The following UMOD variants were observed in gnomAD, a reference collection of about 807,000 sequenced individuals.
UMOD encodes the protein Tamm-Horsfall urinary glycoprotein.
A neutral mutation model predicts 66.0 loss-of-function variants in UMOD; 64 were observed. The ratio of observed to expected loss-of-function variants is 0.97; its 90% confidence interval spans 0.79 to 1.19. The LOEUF is 1.19. Among genes scored for constraint, UMOD ranks in the 50% most tolerant of loss-of-function variants. The pLI, the probability that UMOD is intolerant of heterozygous loss-of-function variation, is 0.00. For missense variants in UMOD, 764 were observed against 850.9 expected (o/e 0.90, Z 1.27); for synonymous variants, 398 against 352.7 (o/e 1.13, Z -1.44).
intron 10 of UMOD, 103 bp from the exon 11 acceptor site, chr16:20,333,478 C>T (rs571548219): frequency 2.0e-5 from 21 of 1,060,604 alleles, no homozygotes; most frequent in South Asian, 8.1e-5. Flanking sequence ...AGAGGACACC[C>T]TCTCTGGGCT....
chr16:20,349,995 G>T, intron 2 of UMOD: 1 of 1,029,112 alleles, frequency 9.7e-7, no homozygotes, highest in Non-Finnish European at 1.3e-6. Context: ...CAAGGGCCTC[G>T]TGAGGTCAGT....
At position 20,335,528 on chromosome 16, in the gene UMOD, G is replaced by A. The variant is rs777431417; in HGVS notation, c.1823-8C>T. The stretch of plus-strand genomic sequence containing the variant: ...AGACTGTGGCCTGGACACCTTTGGA[G>A]GAAAACAGAAGGATCAGTGAATAAA... On this transcript the variant is annotated splice_region_variant and splice_polypyrimidine_tract_variant and intron_variant, in intron 9 of 10. Transcript: ENST00000396138. 9 of 1,614,052 alleles carry A rather than the reference G, an allele frequency of 5.6e-6. No homozygotes were observed. The South Asian group carries it at 9.9e-5, about 18-fold the overall frequency.
rs139401892 is a variant in UMOD at position 20,338,852 on chromosome 16, T to A, written c.1578-1399A>T. Among the ~76,000 whole-genome samples the A allele has an allele frequency of 9.6e-3, 1,455 of 152,166 alleles. 19 individuals carry two copies. Among genetic ancestry groups the A allele is most frequent in the African/African-American group, 0.033 (1,386 of 41,526 alleles). On this transcript the variant is annotated intron_variant, in intron 7 of 10. Transcript: ENST00000396138. The stretch of plus-strand genomic sequence containing the variant: ...TTGGCTCACTGCAACCTCTGCCTCC[T>A]GGGTTCAAGCAATTCTCCTGCCTCA...
At chr16:20,340,529 T>C (rs2141645519) in intron 7 of UMOD, among the ~76,000 whole-genome samples, 2 of 150,956 alleles carry the variant, frequency 1.3e-5, no homozygotes, top group South Asian at 4.2e-4. Context: ...ACATATGTAT[T>C]GATAATTCAT....
intron 2 of UMOD, chr16:20,349,736 C>T: frequency 6.5e-7 from 1 of 1,535,014 alleles, no homozygotes; most frequent in Non-Finnish European, 8.8e-7. Context: ...GAACCTGTTG[C>T]CCCTCCCTTT....
chr16:20,349,233 C>G, intron 2 of UMOD, 21 bp from the exon 3 acceptor site: 1 of 1,610,494 alleles, frequency 6.2e-7, no homozygotes, highest in Non-Finnish European at 8.5e-7. Context: ...AAAAGCCCAG[C>G]TTCAGGGTTT....
At chr16:20,342,465 G>T (rs1015877662) in intron 6 of UMOD, 1 of 152,350 alleles carries the variant, frequency 6.6e-6, no homozygotes, top group African/African-American at 2.4e-5. Flanking sequence ...GCCAGGTGAG[G>T]TTCCAGCCAA....
intron 10 of UMOD, 96 bp from the exon 11 acceptor site, chr16:20,333,471 G>C: frequency 8.5e-7 from 1 of 1,172,034 alleles, no homozygotes; most frequent in Non-Finnish European, 1.2e-6. Context: ...AATCAGAAGA[G>C]GACACCCTCT....
chr16:20,333,411 C>T (rs1295669881), intron 10 of UMOD, 36 bp from the exon 11 acceptor site: 1 of 1,589,832 alleles, frequency 6.3e-7, no homozygotes, highest in South Asian at 1.1e-5. Flanking sequence ...ACTGCTAGTA[C>T]TGCTGTACTT....
Position 20,333,131 on chromosome 16 carries a change from G to T in UMOD, c.*183C>A, listed in dbSNP as rs2141621948. 1 of 668,690 alleles carries T rather than the reference G, an allele frequency of 1.5e-6. No individual in the cohort carries two copies. The highest frequency in any genetic ancestry group is 2.9e-5 in the East Asian group (1 of 34,944). The allele number at this position is 668,690 out of a possible 1,614,324, so 41.4% of individuals were successfully genotyped here. ...TACACCGTCACAAGTCCCATTTTGA[G>T]AAAAAGCAGCATTTAAAGACACAGG... On this transcript the variant is annotated 3_prime_UTR_variant, in exon 11 of 11. Coordinates refer to ENST00000396138, the MANE Select transcript of UMOD (RefSeq NM_003361.4).
chr16:20,350,764 G>A lies in UMOD; in HGVS notation c.-27C>T, dbSNP rs776839394. On this transcript the variant is annotated 5_prime_UTR_variant, in exon 2 of 11. Transcript: ENST00000396138. The stretch of plus-strand genomic sequence containing the variant: ...CTTTCTGCTCTTCCCGCTACTTCAG[G>A]TCTAGATAGCACCTGCCCAAAGGAA... 6.2e-7 allele frequency: 1 copy of A among 1,613,960 alleles called. No homozygotes were observed. The highest frequency in any genetic ancestry group is 8.5e-7 in the Non-Finnish European group (1 of 1,179,950).
At chr16:20,337,953 C>T (rs769537194) in intron 7 of UMOD, among the ~76,000 whole-genome samples, 6 of 152,062 alleles carry the variant, frequency 3.9e-5, no homozygotes, top group East Asian at 1.9e-4. Context: ...AGGAGAAACC[C>T]GAAATAGAGC....
At chr16:20,339,487 G>C (rs2141641648) in intron 7 of UMOD, among the ~76,000 whole-genome samples, 1 of 152,342 alleles carries the variant, frequency 6.6e-6, no homozygotes, top group South Asian at 2.1e-4. Flanking sequence ...GTTGTATTAA[G>C]TTTGAGTTAG....
Position 20,343,338 on chromosome 16 carries a change from C to T in UMOD, c.1331+686G>A, listed in dbSNP as rs527330273. 3.3e-5 allele frequency among the ~76,000 whole-genome samples: 5 copies of T among 152,294 alleles called. No individual in the cohort carries two copies. The South Asian group carries it at 1.0e-3, about 32-fold the overall frequency. ...TGTAGGCACTCTGCCAGGGCACCTC[C>T]CTTGGCCCCTACCAAGACACTTGCA... On this transcript the variant is annotated intron_variant, in intron 6 of 10. Transcript: ENST00000396138.
At chr16:20,354,375 T>A (rs12708631), upstream of UMOD, among the ~76,000 whole-genome samples, 139,721 of 152,236 alleles carry the variant, frequency 0.92, 65,027 homozygotes, top group African/African-American at 0.98. Context: ...AGAATTATTA[T>A]AAATTGGTTT....
chr16:20,339,548 T>C (rs1965070372), intron 7 of UMOD, among the ~76,000 whole-genome samples: 1 of 152,214 alleles, frequency 6.6e-6, no homozygotes, highest in African/African-American at 2.4e-5. Context: ...TTATTTTTAT[T>C]GCAAAGGGAG....
In UMOD at chr16:20,349,215, G is replaced by A. The variant is rs1567311498; in HGVS notation, c.89-3C>T. The A allele has an allele frequency of 1.2e-6, 2 of 1,612,814 alleles. No individual in the cohort carries two copies. The highest frequency in any genetic ancestry group is 1.7e-6 in the Non-Finnish European group (2 of 1,179,862). On this transcript the variant is annotated splice_region_variant and splice_polypyrimidine_tract_variant and intron_variant, in intron 2 of 10. Coordinates refer to ENST00000396138, the MANE Select transcript of UMOD (RefSeq NM_003361.4). Reference sequence around the variant, plus strand: ...GCTGTGACATTCAGAGCACCATCCTGTGGACAGAAAAGCCCAGCTTCAGGG... The same window carrying A: ...GCTGTGACATTCAGAGCACCATCCTATGGACAGAAAAGCCCAGCTTCAGGG...
At chr16:20,340,956 T>C in intron 7 of UMOD, 135 bp downstream of exon 7, 2 of 1,011,556 alleles carry the variant, frequency 2.0e-6, no homozygotes, top group Non-Finnish European at 2.9e-6. Flanking sequence ...GTCACACCAT[T>C]GCACTCCAAC....
chr16:20,341,129 AT>A lies in UMOD; in HGVS notation c.1538del (p.Asn513MetfsTer6). The A allele has an allele frequency of 6.2e-7, 1 of 1,614,104 alleles. No homozygotes were observed. Among genetic ancestry groups the A allele is most frequent in the Non-Finnish European group, 8.5e-7 (1 of 1,180,014 alleles). On this transcript the variant is annotated frameshift_variant, in exon 7 of 11. Coordinates refer to ENST00000396138, the MANE Select transcript of UMOD (RefSeq NM_003361.4). LOFTEE classifies it high-confidence loss of function. Reference protein sequence around the residue: ...MTNCYATPSSNATDPLKYFII... With the variant: ...MTNCYATPSSXATDPLKYFII... ...TGAAGTACTTCAGGGGGTCCGTGGC[AT>A]TGCTACTGGGTGTGGCATAGCAGTT...
Sources: allele counts gnomAD v4.1 joint callset (sites outside exome capture counted in the v4.1 genomes callset), GRCh38; gene constraint gnomAD v4.1.1; transcripts MANE v1.5; gene names NCBI Gene and HGNC (gene_info 2026-07-23, HGNC 2026-07-21).